Variants in STAU2 observed in about 807,000 individuals in gnomAD.
The protein encoded by STAU2 is staufen double-stranded RNA binding protein 2, also known as double-stranded RNA-binding protein Staufen homolog 2.
Under a neutral mutation model 65.9 loss-of-function variants are expected in STAU2, and 20 were observed. The ratio of observed to expected loss-of-function variants is 0.30; its 90% CI spans 0.21 to 0.44. The LOEUF is 0.44. Among genes scored for constraint, STAU2 ranks in the 20% least tolerant of loss-of-function variants. The pLI is 1.00. For missense variants in STAU2, 558 were observed against 683.9 expected, an observed-to-expected ratio of 0.82 and a Z score of 2.05; for synonymous variants, 232 against 233.9, an observed-to-expected ratio of 0.99 and a Z score of 0.07.
intron 5 of STAU2, among the ~76,000 whole-genome samples, chr8:73,678,760 T>C (rs1479649078): frequency 6.6e-6 from 1 of 152,222 alleles, no homozygotes; most frequent in Non-Finnish European, 1.5e-5. Context: ...TTTTAGGAAC[T>C]TCAAAATGAA....
At chr8:73,739,728 G>A (rs1401687216) in intron 2 of STAU2, 28 bp downstream of exon 2, 1 of 1,476,928 alleles carries the variant, frequency 6.8e-7, no homozygotes, top group Non-Finnish European at 8.9e-7. Context: ...TGGTGAATTT[G>A]AGTTTTAGTC....
At chr8:73,637,463 T>TTAAAAAAAA (rs1563473627) in intron 6 of STAU2, among the ~76,000 whole-genome samples, 7 of 56,580 alleles carry the variant, frequency 1.2e-4, no homozygotes, top group African/African-American at 4.3e-4. Flanking sequence ...AAAGTCTTTA[T>TTAAAAAAAA]AAAGTGCTGA....
chr8:73,515,902 T>C (rs920118431), intron 13 of STAU2, among the ~76,000 whole-genome samples: 1 of 146,654 alleles, frequency 6.8e-6, no homozygotes, highest in Non-Finnish European at 1.5e-5. Flanking sequence ...GAGTAAGACA[T>C]TTAAGTGTGG....
chr8:73,448,858 C>T (rs1818627086), intron 13 of STAU2, among the ~76,000 whole-genome samples: 1 of 152,258 alleles, frequency 6.6e-6, no homozygotes, highest in African/African-American at 2.4e-5. Context: ...AGTGGACAGC[C>T]GGTCCCTGCC....
At chr8:73,480,251 C>T (rs1022502441) in intron 13 of STAU2, among the ~76,000 whole-genome samples, 15 of 152,214 alleles carry the variant, frequency 9.9e-5, no homozygotes, top group Non-Finnish European at 1.5e-4. Flanking sequence ...TTCCTTATGC[C>T]TCTGTGGTTC....
chr8:73,682,097 T>A (rs1372098262), intron 5 of STAU2, among the ~76,000 whole-genome samples: 1 of 151,994 alleles, frequency 6.6e-6, no homozygotes, highest in African/African-American at 2.4e-5. Flanking sequence ...AAAAAAACAA[T>A]GGACTTAAAC....
At chr8:73,740,110 T>C (rs1806738866) in intron 1 of STAU2, among the ~76,000 whole-genome samples, 1 of 152,202 alleles carries the variant, frequency 6.6e-6, no homozygotes, top group Non-Finnish European at 1.5e-5. Flanking sequence ...GCCACATGAA[T>C]GAGTTCAGAA....
At chr8:73,589,195 T>C (rs1460458080) in intron 11 of STAU2, among the ~76,000 whole-genome samples, 1 of 152,154 alleles carries the variant, frequency 6.6e-6, no homozygotes, top group Non-Finnish European at 1.5e-5. Flanking sequence ...TGAATTCAGT[T>C]AATAACTAGA....
intron 11 of STAU2, 114 bp from the exon 12 acceptor site, chr8:73,582,944 AT>A: frequency 1.2e-6 from 1 of 840,272 alleles, no homozygotes; most frequent in East Asian, 2.5e-5. Context: ...TATTCTGCAT[AT>A]TATCTCTATC....
intron 3 of STAU2, chr8:73,727,981 AATG>A (rs1805771951): frequency 6.6e-6 from 1 of 152,212 alleles, no homozygotes; most frequent in Non-Finnish European, 1.5e-5. Context: ...GTTGAGTATT[AATG>A]ATGTGTTTAT....
intron 13 of STAU2, among the ~76,000 whole-genome samples, chr8:73,442,845 G>T (rs551227218): frequency 6.6e-6 from 1 of 152,098 alleles, no homozygotes; most frequent in Admixed American, 6.5e-5. Context: ...TAAAATTTTT[G>T]CCTGAGGGTA....
chr8:73,679,569 A>G (rs1818253521), intron 5 of STAU2, among the ~76,000 whole-genome samples: 1 of 152,066 alleles, frequency 6.6e-6, no homozygotes, highest in Admixed American at 6.6e-5. Context: ...AAATTTAGAG[A>G]GCTGAGCGAA....
At chr8:73,742,344 C>T (rs1000327180) in intron 1 of STAU2, 14 of 495,150 alleles carry the variant, frequency 2.8e-5, no homozygotes, top group South Asian at 8.8e-5. Context: ...ACTAGCCTGG[C>T]GAACACGGCA....
At chr8:73,666,085 G>C (rs2130360475) in intron 6 of STAU2, among the ~76,000 whole-genome samples, 1 of 152,180 alleles carries the variant, frequency 6.6e-6, no homozygotes, top group South Asian at 2.1e-4. Flanking sequence ...TGAGCCCATG[G>C]ATACAGAACC....
At chr8:73,722,895 CA>C (rs1821783660) in intron 3 of STAU2, among the ~76,000 whole-genome samples, 1 of 152,034 alleles carries the variant, frequency 6.6e-6, no homozygotes, top group Admixed American at 6.6e-5. Context: ...CTTCTAATAC[CA>C]AAACACTTCT....
At chr8:73,524,305 A>G (rs1485461201) in intron 13 of STAU2, among the ~76,000 whole-genome samples, 4 of 152,182 alleles carry the variant, frequency 2.6e-5, no homozygotes, top group Non-Finnish European at 4.4e-5. Flanking sequence ...TGATGGTAAC[A>G]TTCACTGGGA....
chr8:73,532,712 T>A (rs1283173825), intron 13 of STAU2, among the ~76,000 whole-genome samples: 3 of 152,222 alleles, frequency 2.0e-5, no homozygotes, highest in Non-Finnish European at 4.4e-5. Context: ...CTCTAAAGGC[T>A]GTCACCTATG....
chr8:73,591,896 A>AC (rs1810818440), intron 11 of STAU2, among the ~76,000 whole-genome samples: 1 of 143,852 alleles, frequency 7.0e-6, no homozygotes, highest in Non-Finnish European at 1.5e-5. Flanking sequence ...AAAAAAAAAA[A>AC]AAAAAAAAAA....
chr8:73,558,778 A>T (rs1173942413), intron 12 of STAU2, among the ~76,000 whole-genome samples: 1 of 149,996 alleles, frequency 6.7e-6, no homozygotes, highest in East Asian at 1.9e-4. Flanking sequence ...ATTTCACAAC[A>T]AATAATTTCT....
Sources: gnomAD v4.1 joint callset for allele counts (sites outside exome capture counted in the v4.1 genomes callset) on GRCh38, gnomAD v4.1.1 for gene constraint, MANE v1.5 for transcripts, NCBI Gene and HGNC (gene_info 2026-07-23, HGNC 2026-07-21) for gene names.